BTG3: variants seen among roughly 807,000 people sequenced by gnomAD.
The protein encoded by BTG3 is protein BTG3.
A neutral mutation model predicts 25.8 loss-of-function variants in BTG3; 4 were observed. That is an observed-to-expected ratio of 0.16 (90% CI 0.08 to 0.36). The LOEUF (loss-of-function observed/expected upper bound fraction) is 0.36, where lower values mean the gene tolerates loss of function less well. BTG3 is among the 10% of genes least tolerant of loss of function. The pLI, the probability that BTG3 is intolerant of heterozygous loss-of-function variation, is 1.00. For synonymous variants in BTG3, 107 were observed against 99.9 expected, an observed-to-expected ratio of 1.07 and a Z score of -0.42; for missense variants, 201 against 304.9, an observed-to-expected ratio of 0.66 and a Z score of 2.54.
intron 1 of BTG3, among the ~76,000 whole-genome samples, chr21:17,610,104 T>C (rs1414508723): frequency 1.3e-5 from 2 of 152,208 alleles, no homozygotes; most frequent in Non-Finnish European, 1.5e-5. Context: ...ATTCCATTGA[T>C]ATGAAATATC....
chr21:17,605,452 A>AT (rs1468362846), intron 2 of BTG3, among the ~76,000 whole-genome samples: 1 of 152,230 alleles, frequency 6.6e-6, no homozygotes, highest in Non-Finnish European at 1.5e-5. Flanking sequence ...TATATCTCAG[A>AT]TAGTAAAGTG....
intron 1 of BTG3, 83 bp from the exon 2 acceptor site, chr21:17,609,235 C>T: frequency 7.7e-7 from 1 of 1,292,042 alleles, no homozygotes; most frequent in Non-Finnish European, 1.1e-6. Flanking sequence ...ACCTCCTTTA[C>T]AGCTCTCCCC....
At position 17,594,350 on chromosome 21, in the gene BTG3, C is replaced by A; in HGVS notation, c.520-18G>T. ...TCTGAAATCTGTAGGGAAGAGAACA[C>A]ATTAAGTTAATTCAAAGGAAAAAAT... On this transcript the variant is annotated intron_variant, in intron 4 of 4. Coordinates refer to ENST00000348354, the MANE Select transcript of BTG3 (RefSeq NM_006806.5). The A allele has an allele frequency of 1.3e-6, 2 of 1,598,860 alleles. No homozygotes were observed. The highest frequency in any genetic ancestry group is 2.2e-5 in the East Asian group (1 of 44,762).
chr21:17,594,190 T>C lies in BTG3; in HGVS notation c.662A>G (p.Lys221Arg). ...FGYPNQGRKN[K>R]PYRPIPVTWV... ...TGTCACTGGAATTGGGCGATATGGT[T>C]TATTTTTTCTTCCCTGATTTGGATA... The change falls in exon 5 of 5, where the codon AAA becomes AGA. Residue 221 changes from lysine to arginine, a missense_variant. Transcript: ENST00000348354. The C allele has an allele frequency of 1.2e-6, 2 of 1,613,312 alleles. No individual in the cohort carries two copies. Among genetic ancestry groups the C allele is most frequent in the Non-Finnish European group, 1.7e-6 (2 of 1,179,430 alleles).
chr21:17,610,404 T>G (rs775893067), intron 1 of BTG3, among the ~76,000 whole-genome samples: 4 of 152,204 alleles, frequency 2.6e-5, no homozygotes, highest in Non-Finnish European at 4.4e-5. Context: ...GGAAGAGAGA[T>G]ACATTTATCC....
chr21:17,607,801 C>G (rs1162182376), intron 2 of BTG3, among the ~76,000 whole-genome samples: 2 of 152,184 alleles, frequency 1.3e-5, no homozygotes, highest in Admixed American at 1.3e-4. Flanking sequence ...GCCACATCCA[C>G]AAAATGGGAC....
At chr21:17,598,999 C>A in intron 3 of BTG3, 175 bp from the exon 4 acceptor site, 1 of 521,718 alleles carries the variant, frequency 1.9e-6, no homozygotes, top group Non-Finnish European at 3.3e-6. Context: ...GCAAGCAAAC[C>A]ACAGTTTTCT....
chr21:17,608,854 G>A (rs1488112186), intron 2 of BTG3, 118 bp downstream of exon 2: 1 of 990,544 alleles, frequency 1.0e-6, no homozygotes, highest in Non-Finnish European at 1.5e-6. Context: ...ACACCCCAGA[G>A]TTCTATATTT....
intron 3 of BTG3, chr21:17,604,029 G>A: frequency 1.2e-6 from 1 of 810,274 alleles, no homozygotes; most frequent in South Asian, 2.9e-5. Context: ...TGAGCAAGTG[G>A]AGTTCAAAAA....
intron 1 of BTG3, among the ~76,000 whole-genome samples, chr21:17,610,615 T>A (rs1461336157): frequency 6.6e-6 from 1 of 152,220 alleles, no homozygotes; most frequent in East Asian, 1.9e-4. Context: ...CCTAAGATTG[T>A]TTTGATGTAT....
At chr21:17,600,644 G>C (rs1569179179) in intron 3 of BTG3, among the ~76,000 whole-genome samples, 7 of 151,740 alleles carry the variant, frequency 4.6e-5, no homozygotes. Flanking sequence ...AACATGGTGA[G>C]ACCCTGTCTC....
chr21:17,612,059 T>G (rs2061734537), intron 1 of BTG3: 1 of 152,372 alleles, frequency 6.6e-6, no homozygotes, highest in South Asian at 2.1e-4. Flanking sequence ...AACCTGCTGC[T>G]AGGCTCTCCC....
intron 4 of BTG3, among the ~76,000 whole-genome samples, chr21:17,597,095 A>G (rs1256727973): frequency 6.6e-6 from 1 of 152,126 alleles, no homozygotes; most frequent in Non-Finnish European, 1.5e-5. Flanking sequence ...GTATTAGGCC[A>G]AGGAGAAATG....
intron 3 of BTG3, chr21:17,599,083 A>C: frequency 3.0e-6 from 1 of 331,196 alleles, no homozygotes; most frequent in Non-Finnish European, 5.4e-6. Context: ...CTAATTCCTA[A>C]AAAAAAAATT....
intron 3 of BTG3, 114 bp from the exon 4 acceptor site, chr21:17,598,938 A>G (rs2061537442): frequency 2.5e-6 from 2 of 798,856 alleles, no homozygotes; most frequent in Non-Finnish European, 3.9e-6. Flanking sequence ...AGATTGAATC[A>G]TCACAGAACT....
chr21:17,594,474 A>G, intron 4 of BTG3, 142 bp from the exon 5 acceptor site: 1 of 968,192 alleles, frequency 1.0e-6, no homozygotes, highest in Non-Finnish European at 1.5e-6. Context: ...GTCTAAATAC[A>G]TTAAAAACCT....
At chr21:17,609,181 A>G in intron 1 of BTG3, 29 bp from the exon 2 acceptor site, 1 of 1,589,382 alleles carries the variant, frequency 6.3e-7, no homozygotes, top group Non-Finnish European at 8.5e-7. Context: ...TTTTCTCAGA[A>G]AAACAAAATA....
chr21:17,603,061 T>A (rs2123457766), intron 3 of BTG3, among the ~76,000 whole-genome samples: 1 of 152,338 alleles, frequency 6.6e-6, no homozygotes, highest in East Asian at 1.9e-4. Flanking sequence ...CTCTTTAAAA[T>A]GCTGCTTCTC....
At chr21:17,611,849 CCTCCCTTGTAACGAAAAGCTAATCGCA>C (rs1310942190) in intron 1 of BTG3, 3 of 152,226 alleles carry the variant, frequency 2.0e-5, no homozygotes, top group Non-Finnish European at 4.4e-5. Context: ...TGTACTTTTC[CCTCCCTTGTAACGAAAAGCTAATCGCA>C]AACGTTTCTA....
Sources: gnomAD v4.1 joint callset for allele counts (sites outside exome capture counted in the v4.1 genomes callset) on GRCh38, gnomAD v4.1.1 for gene constraint, MANE v1.5 for transcripts, NCBI Gene and HGNC (gene_info 2026-07-23, HGNC 2026-07-21) for gene names.